The following POLR3A variants were observed in gnomAD, a reference collection of about 807,000 sequenced individuals.
The protein encoded by POLR3A is DNA-directed RNA polymerase III subunit RPC1.
A neutral mutation model predicts 152.8 loss-of-function variants in POLR3A; 112 were observed. The observed-to-expected ratio is 0.73, with a 90% CI of 0.63 to 0.86. The LOEUF is 0.86. POLR3A is among the 40% of genes least tolerant of loss of function. The probability of loss-of-function intolerance (pLI) is 0.00; values close to 1 mark genes in which losing one functional copy is unlikely to be tolerated. For missense variants in POLR3A, 1,385 were observed against 1,743.1 expected (o/e 0.79, Z 3.66); for synonymous variants, 615 against 652.1 (o/e 0.94, Z 0.87).
rs193039650 is a variant in POLR3A at position 77,981,113 on chromosome 10, C to G, written c.3891+315G>C. On this transcript the variant is annotated intron_variant, in intron 29 of 30. Coordinates refer to ENST00000372371, the MANE Select transcript of POLR3A (RefSeq NM_007055.4). ...AAACACCTCAACTTGCCATGGGACT[C>G]TCTGGGCTTTGGCAGTGGCTAATTT... Among the ~76,000 whole-genome samples, 7 of 152,246 alleles carry G rather than the reference C, an allele frequency of 4.6e-5. No homozygotes were observed. In the East Asian group the frequency reaches 1.4e-3, roughly 29 times the overall value.
chr10:77,981,909 G>T (rs1265819570), intron 28 of POLR3A, among the ~76,000 whole-genome samples: 2 of 149,432 alleles, frequency 1.3e-5, no homozygotes, highest in East Asian at 3.9e-4. Context: ...CGTGGTGGTG[G>T]GTGCCTGTAG....
chr10:77,998,356 G>C (rs1397803495), intron 19 of POLR3A, among the ~76,000 whole-genome samples: 2 of 152,104 alleles, frequency 1.3e-5, no homozygotes, highest in African/African-American at 4.8e-5. Flanking sequence ...TACCATCAGA[G>C]TGAACAGGCA....
In POLR3A at chr10:77,983,974, G is replaced by A. The variant is rs770584755; in HGVS notation, c.3375C>T (p.Asp1125=). Residue 1125 remains aspartate (D), a synonymous_variant, in exon 26 of 31, where the codon GAC becomes GAT. Transcript: ENST00000372371. ...GGGAGAGCTTGACGAGAATAAAGCA[G>A]TCATCAGGAAGAAACACTTCTTCAA... The part of the protein sequence containing the change: ...EYIEEVFLPD[D]CFILVKLSLE... 2 of 1,612,798 alleles carry A rather than the reference G, an allele frequency of 1.2e-6. No individual in the cohort carries two copies. Among genetic ancestry groups the A allele is most frequent in the South Asian group, 1.1e-5 (1 of 91,040 alleles).
rs1269970308 is a variant in POLR3A at position 77,975,772 on chromosome 10, TG to T, written c.*1705del. On this transcript the variant is annotated 3_prime_UTR_variant, in exon 31 of 31. Coordinates refer to ENST00000372371, the MANE Select transcript of POLR3A (RefSeq NM_007055.4). The stretch of plus-strand genomic sequence containing the variant: ...CCCCTGGCCTTTGCACGGATCCCAG[TG>T]GTCCTGGCTCGGATCAGGCCTACAG... The T allele has an allele frequency of 6.6e-6, 1 of 152,224 alleles. No homozygotes were observed. The highest frequency in any genetic ancestry group is 2.4e-5 in the African/African-American group (1 of 41,460). The allele number at this position is 152,224 out of a possible 1,614,324, so 9.4% of individuals were successfully genotyped here.
chr10:78,019,332 T>A, intron 8 of POLR3A, 67 bp from the exon 9 acceptor site: 1 of 1,057,944 alleles, frequency 9.5e-7, no homozygotes, highest in Non-Finnish European at 1.5e-6. Context: ...GATACTGAAA[T>A]GCGTCTTAAT....
chr10:77,978,897 C>T (rs1272335437), intron 30 of POLR3A, among the ~76,000 whole-genome samples: 2 of 151,958 alleles, frequency 1.3e-5, no homozygotes, highest in Admixed American at 6.6e-5. Context: ...CTCCTGACCT[C>T]GTGATCCACC....
chr10:77,996,876 CCAATAT>C (rs888443374), intron 19 of POLR3A, among the ~76,000 whole-genome samples: 8 of 152,134 alleles, frequency 5.3e-5, no homozygotes, highest in Non-Finnish European at 1.0e-4. Context: ...GAATTTTAGA[CCAATAT>C]CCTTGATGAA....
At chr10:78,000,879 T>A in intron 18 of POLR3A, 97 bp downstream of exon 18, 1 of 728,142 alleles carries the variant, frequency 1.4e-6, no homozygotes, top group Non-Finnish European at 2.5e-6. Flanking sequence ...CCACATGAAA[T>A]TGGCCAACGG....
intron 9 of POLR3A, 75 bp from the exon 10 acceptor site, chr10:78,017,791 T>G (rs1261181741): frequency 2.8e-6 from 4 of 1,448,992 alleles, no homozygotes; most frequent in Non-Finnish European, 3.9e-6. Flanking sequence ...CAGATCAGGA[T>G]TCAATCTTTA....
intron 16 of POLR3A, among the ~76,000 whole-genome samples, chr10:78,002,920 T>C (rs964563472): frequency 6.6e-6 from 1 of 152,226 alleles, no homozygotes; most frequent in Non-Finnish European, 1.5e-5. Context: ...AATATCTGTA[T>C]ATAAATAGCT....
chr10:78,007,789 T>C lies in POLR3A; in HGVS notation c.1987A>G (p.Ile663Val). The C allele has an allele frequency of 3.1e-6, 5 of 1,613,986 alleles. No homozygotes were observed. Among genetic ancestry groups the C allele is most frequent in the Non-Finnish European group, 4.2e-6 (5 of 1,179,916 alleles). ...CAGTCTCGCAGCAAAATGTAAAAAA[T>C]ATTGTTCTTGGATCCTGACCCTAGG... ...GTLGSGSKNN[I>V]FYILLRDWGQ... The change falls in exon 15 of 31, where the codon ATT (isoleucine) becomes GTT (valine). Residue 663 changes from isoleucine (I) to valine (V), a missense_variant. Physicochemically the swap from Ile to Val is conservative, Grantham distance 29. Coordinates refer to ENST00000372371, the MANE Select transcript of POLR3A (RefSeq NM_007055.4).
intron 21 of POLR3A, among the ~76,000 whole-genome samples, chr10:77,988,791 C>T (rs1847221356): frequency 6.6e-6 from 1 of 152,108 alleles, no homozygotes; most frequent in African/African-American, 2.4e-5. Flanking sequence ...GTGGCTGGGT[C>T]CTTTTGAGAA....
At position 77,982,598 on chromosome 10, in the gene POLR3A, G is replaced by A; in HGVS notation, c.3594+55C>T. The A allele has an allele frequency of 2.7e-6, 4 of 1,501,146 alleles. No individual in the cohort carries two copies. In the South Asian group the frequency reaches 4.5e-5, roughly 17 times the overall value. 93.0% of individuals were successfully genotyped at this position (1,501,146 alleles called of 1,614,324 possible). A position where few individuals can be genotyped will look rare whatever the true frequency, so the allele number is the denominator to read the frequency against. ...ACAAAGCCCTTAGGTCCCAGCCCTG[G>A]GTGTCACACCACAGGGAGATGCTGG... On this transcript the variant is annotated intron_variant, in intron 27 of 30. Coordinates refer to ENST00000372371, the MANE Select transcript of POLR3A (RefSeq NM_007055.4).
At position 77,980,125 on chromosome 10, in the gene POLR3A, GA is replaced by G; in HGVS notation, c.4024+15del. 2 of 1,612,146 alleles carry G rather than the reference GA, an allele frequency of 1.2e-6. No individual in the cohort carries two copies. Among genetic ancestry groups the G allele is most frequent in the Non-Finnish European group, 1.7e-6 (2 of 1,178,212 alleles). On this transcript the variant is annotated intron_variant, in intron 30 of 30. Transcript: ENST00000372371. ...GTAAAGGCCTTTGATGCTGTTCATA[GA>G]AACATCAAACCTACCACACACAGAG...
chr10:77,989,457 C>G (rs898369759), intron 21 of POLR3A, among the ~76,000 whole-genome samples: 2 of 152,156 alleles, frequency 1.3e-5, no homozygotes, highest in African/African-American at 4.8e-5. Flanking sequence ...TGTGAGCTGC[C>G]GGTGGCAAGG....
At chr10:77,989,059 T>C (rs577073837) in intron 21 of POLR3A, among the ~76,000 whole-genome samples, 2 of 150,816 alleles carry the variant, frequency 1.3e-5, no homozygotes, top group South Asian at 2.1e-4. Flanking sequence ...GTTTGCTGAA[T>C]GACTTTCCCT....
At position 78,022,024 on chromosome 10, in the gene POLR3A, T is replaced by G; in HGVS notation, c.886-2A>C. The G allele has an allele frequency of 6.2e-7, 1 of 1,614,226 alleles. No individual in the cohort carries two copies. ...GGTCTTGGCTCCTGAGATCCGATGC[T>G]AAAACCAGCACAGCCCAAACAGAAA... On this transcript the variant is annotated splice_acceptor_variant, in intron 6 of 30. Transcript: ENST00000372371. LOFTEE classifies it high-confidence loss of function.
intron 5 of POLR3A, among the ~76,000 whole-genome samples, chr10:78,024,278 C>T (rs565830390): frequency 6.7e-6 from 1 of 150,310 alleles, no homozygotes; most frequent in South Asian, 2.1e-4. Context: ...GCAGAAGAAT[C>T]GTTTTAACCT....
At position 77,991,188 on chromosome 10, in the gene POLR3A, T is replaced by C. The variant is rs1424145314; in HGVS notation, c.2788-21A>G. On this transcript the variant is annotated intron_variant, in intron 20 of 30. Coordinates refer to ENST00000372371, the MANE Select transcript of POLR3A (RefSeq NM_007055.4). Reference sequence around the variant, plus strand: ...ACTGCCTTGAGTATTAAAAGAAAATTGCATTATGTGTGGGTGCCACAGAGA... The same window carrying C: ...ACTGCCTTGAGTATTAAAAGAAAATCGCATTATGTGTGGGTGCCACAGAGA... The C allele has an allele frequency of 2.8e-6, 4 of 1,414,092 alleles. No homozygotes were observed. The Admixed American group carries it at 6.7e-5, about 24-fold the overall frequency. 87.6% of individuals were successfully genotyped at this position (1,414,092 alleles called of 1,614,324 possible).
Sources: allele counts gnomAD v4.1 joint callset (sites outside exome capture counted in the v4.1 genomes callset), GRCh38; gene constraint gnomAD v4.1.1; transcripts MANE v1.5; gene names NCBI Gene and HGNC (gene_info 2026-07-23, HGNC 2026-07-21).